Variants in HRH2 observed in about 807,000 individuals in gnomAD.
HRH2 encodes the protein histamine receptor H2.
In HRH2, 4 loss-of-function variants were observed where a neutral mutation model predicts 20.1. The observed-to-expected ratio is 0.20, with a 90% CI of 0.10 to 0.45. The LOEUF is 0.45. Among genes scored for constraint, HRH2 ranks in the 20% least tolerant of loss-of-function variants. HRH2 has a pLI of 0.99. For missense variants in HRH2, 250 were observed against 461.6 expected (o/e 0.54, Z 4.20); for synonymous variants, 197 against 200.7 (o/e 0.98, Z 0.16).
chr5:175,659,953 C>A (rs71597337), intron 1 of HRH2, among the ~76,000 whole-genome samples: 14,624 of 152,208 alleles, frequency 0.096, 790 homozygotes, highest in Middle Eastern at 0.21. Flanking sequence ...CCACCAATTT[C>A]TTTGCTTCCT....
intron 2 of HRH2, among the ~76,000 whole-genome samples, chr5:175,684,617 A>G (rs938175228): frequency 1.3e-5 from 2 of 152,170 alleles, no homozygotes; most frequent in African/African-American, 4.8e-5. Flanking sequence ...TGGTCCTTAC[A>G]ATTAGAAGTC....
rs1581442829 is a variant in HRH2, at chr5:175,687,603, C to T, written c.1076+3294C>T. ...GGCAGCTCACCCCACAGTCAGGGGC[C>T]CCGGCTGGTCCCACCATTCGAGAAC... is the stretch of plus-strand genomic sequence containing the variant. On this transcript the variant is annotated intron_variant, in intron 2 of 2. Coordinates refer to ENST00000636584, the MANE Select transcript of HRH2 (RefSeq NM_001367711.1). This position sits in a 1 kb window ranked among gnomAD's most constrained non-coding sequence, Gnocchi z 5.2. Among the ~76,000 whole-genome samples the T allele has an allele frequency of 1.3e-5, 2 of 152,238 alleles. No homozygotes were observed. The highest frequency in any genetic ancestry group is 3.9e-4 in the East Asian group (2 of 5,164).
intron 1 of HRH2, among the ~76,000 whole-genome samples, chr5:175,670,952 C>T (rs1054063462): frequency 6.6e-6 from 1 of 152,254 alleles, no homozygotes; most frequent in African/African-American, 2.4e-5. Flanking sequence ...CCCTGTGGCG[C>T]TTATACTCAC....
intron 2 of HRH2, among the ~76,000 whole-genome samples, chr5:175,698,731 A>C (rs1406129379): frequency 6.6e-6 from 1 of 152,242 alleles, no homozygotes; most frequent in East Asian, 1.9e-4. Flanking sequence ...TATGGGCCTA[A>C]AGCTCCCAGA....
chr5:175,665,057 T>G (rs554056703), intron 1 of HRH2, among the ~76,000 whole-genome samples: 5 of 152,312 alleles, frequency 3.3e-5, no homozygotes, highest in Admixed American at 1.3e-4. Flanking sequence ...GCCAGGAACT[T>G]AATCAGGATG....
chr5:175,661,513 A>G (rs1762736845), intron 1 of HRH2, among the ~76,000 whole-genome samples: 1 of 152,220 alleles, frequency 6.6e-6, no homozygotes, highest in Admixed American at 6.5e-5. Flanking sequence ...CCCAGTATCT[A>G]ACAGAATTCG....
At chr5:175,658,646 G>A (rs1011999439) in intron 1 of HRH2, among the ~76,000 whole-genome samples, 3 of 152,166 alleles carry the variant, frequency 2.0e-5, no homozygotes, top group Admixed American at 2.0e-4. Flanking sequence ...CTGCTGGGGA[G>A]GAGGCTTCTA....
intron 1 of HRH2, among the ~76,000 whole-genome samples, chr5:175,674,128 C>A (rs1278405457): frequency 6.6e-6 from 1 of 152,240 alleles, no homozygotes; most frequent in East Asian, 1.9e-4. Context: ...AGAGGCCAAG[C>A]AAATGGTGTG....
intron 1 of HRH2, among the ~76,000 whole-genome samples, chr5:175,673,717 T>G (rs568398000): frequency 2.6e-5 from 4 of 151,334 alleles, no homozygotes; most frequent in African/African-American, 9.7e-5. Context: ...TTGTTTTTTT[T>G]TTTTTTGACG....
chr5:175,666,461 C>T (rs62388109), intron 1 of HRH2, among the ~76,000 whole-genome samples: 1,658 of 152,266 alleles, frequency 0.011, 18 homozygotes, highest in Non-Finnish European at 0.018. Flanking sequence ...GAGTCTCACT[C>T]CGTCACTGAG....
intron 2 of HRH2, among the ~76,000 whole-genome samples, chr5:175,701,392 TAA>T (rs1382726176): frequency 3.3e-5 from 5 of 152,160 alleles, no homozygotes; most frequent in Admixed American, 1.3e-4. Flanking sequence ...CTGAAGAGAC[TAA>T]GAGTAGCTTC....
chr5:175,665,154 T>C (rs1306654226), intron 1 of HRH2, among the ~76,000 whole-genome samples: 3 of 152,016 alleles, frequency 2.0e-5, no homozygotes, highest in African/African-American at 7.3e-5. Flanking sequence ...AGCTGAGAGG[T>C]AGAATCATCT....
intron 2 of HRH2, among the ~76,000 whole-genome samples, chr5:175,690,565 CTT>C (rs1436057627): frequency 6.6e-6 from 1 of 152,138 alleles, no homozygotes; most frequent in Non-Finnish European, 1.5e-5. Flanking sequence ...CTGCCTTTTT[CTT>C]TCTTTCCATT....
chr5:175,668,019 C>T (rs937569490), intron 1 of HRH2, among the ~76,000 whole-genome samples: 3 of 152,202 alleles, frequency 2.0e-5, no homozygotes, highest in African/African-American at 7.2e-5. Context: ...TCTCTCCTCT[C>T]TACTGCTGTG....
chr5:175,684,886 T>C (rs1462560079), intron 2 of HRH2, among the ~76,000 whole-genome samples: 31 of 152,098 alleles, frequency 2.0e-4, no homozygotes, highest in Non-Finnish European at 1.5e-5. Context: ...AGTTTGGGCA[T>C]GATACTGTAG....
At chr5:175,698,971 C>T (rs1756703666) in intron 2 of HRH2, among the ~76,000 whole-genome samples, 2 of 152,368 alleles carry the variant, frequency 1.3e-5, no homozygotes, top group South Asian at 4.1e-4. Flanking sequence ...AGGGACATCC[C>T]TGCCATTCGC....
chr5:175,672,588 A>G (rs1755587457), intron 1 of HRH2, among the ~76,000 whole-genome samples: 1 of 152,226 alleles, frequency 6.6e-6, no homozygotes, highest in Non-Finnish European at 1.5e-5. Context: ...TACCCAATAA[A>G]TGGGATATGA....
intron 2 of HRH2, among the ~76,000 whole-genome samples, chr5:175,691,812 G>A (rs1397517461): frequency 6.6e-6 from 1 of 151,718 alleles, no homozygotes; most frequent in Non-Finnish European, 1.5e-5. Flanking sequence ...GAACCTGGGA[G>A]GCGGAGGTTG....
rs770512391 is a variant in HRH2 at position 175,687,108 on chromosome 5, C to T, written c.1076+2799C>T. Reference sequence around the variant, plus strand: ...ATCACGGCTATGGTCTGTCCTCCAGCCCCCAGGAGCAGGGGCAGAGGGCTT... The same window carrying T: ...ATCACGGCTATGGTCTGTCCTCCAGTCCCCAGGAGCAGGGGCAGAGGGCTT... On this transcript the variant is annotated intron_variant, in intron 2 of 2. Transcript: ENST00000636584. The surrounding 1 kb of genome is among the most constrained non-coding windows in gnomAD (Gnocchi z 5.2). Among the ~76,000 whole-genome samples, 12 of 152,168 alleles carry T rather than the reference C, an allele frequency of 7.9e-5. No individual in the cohort carries two copies. The highest frequency in any genetic ancestry group is 1.8e-4 in the Non-Finnish European group (12 of 68,030).
Sources: gnomAD v4.1 joint callset for allele counts (sites outside exome capture counted in the v4.1 genomes callset) on GRCh38, gnomAD v4.1.1 for gene constraint, Gnocchi (gnomAD v3.1) non-coding constraint, MANE v1.5 for transcripts, NCBI Gene and HGNC (gene_info 2026-07-23, HGNC 2026-07-21) for gene names.